STYK1: variants seen among roughly 807,000 people sequenced by gnomAD.
STYK1 encodes STY kinase 1, also known as tyrosine-protein kinase STYK1.
STYK1 carries 46 observed loss-of-function variants against 48.1 expected under a neutral mutation model. The observed-to-expected ratio is 0.96, with a 90% CI of 0.75 to 1.22. STYK1 has a LOEUF of 1.22. Among genes scored for constraint, STYK1 ranks in the 50% most tolerant of loss-of-function variants. The pLI, the probability that STYK1 is intolerant of heterozygous loss-of-function variation, is 0.00. For missense variants in STYK1, 527 were observed against 521.1 expected (o/e 1.01, Z -0.11); for synonymous variants, 188 against 189.0 (o/e 0.99, Z 0.04).
intron 2 of STYK1, among the ~76,000 whole-genome samples, chr12:10,635,188 A>T (rs995690859): frequency 6.6e-6 from 1 of 152,168 alleles, no homozygotes; most frequent in African/African-American, 2.4e-5. Flanking sequence ...GTGATCATGC[A>T]TGGCTCATTT....
Position 10,631,179 on chromosome 12 carries a change from A to C in STYK1, c.317T>G (p.Leu106Arg). Reference sequence around the variant, plus strand: ...AGAGAGTTGCTCCCGCGGCACCTGCAGCTTAGCCAGGGCAGGTGTGGTAGC... The same window carrying C: ...AGAGAGTTGCTCCCGCGGCACCTGCCGCTTAGCCAGGGCAGGTGTGGTAGC... ...LGATTPALAK[L>R]QVPREQLSEV... The change falls in exon 5 of 11, where the codon CTG becomes CGG. Residue 106 changes from leucine to arginine, a missense_variant. Coordinates refer to ENST00000075503, the MANE Select transcript of STYK1 (RefSeq NM_018423.3). 3 of 1,614,202 alleles carry C rather than the reference A, an allele frequency of 1.9e-6. No homozygotes were observed. The highest frequency in any genetic ancestry group is 2.5e-6 in the Non-Finnish European group (3 of 1,180,030).
chr12:10,647,516 G>A (rs1446902389), intron 1 of STYK1, among the ~76,000 whole-genome samples: 1 of 152,206 alleles, frequency 6.6e-6, no homozygotes, highest in Non-Finnish European at 1.5e-5. Flanking sequence ...CAGGCTTACA[G>A]GTGGAAGTGA....
chr12:10,646,872 C>T (rs992247120), intron 1 of STYK1, among the ~76,000 whole-genome samples: 10 of 152,216 alleles, frequency 6.6e-5, no homozygotes, highest in African/African-American at 2.2e-4. Flanking sequence ...GCTGTTGCTT[C>T]AGAGAGTGAA....
At position 10,622,111 on chromosome 12, in the gene STYK1, C is replaced by T. The variant is rs988593310; in HGVS notation, c.968-139G>A. The T allele has an allele frequency of 1.7e-5, 11 of 655,368 alleles. No individual in the cohort carries two copies. The South Asian group carries it at 1.8e-4, about 11-fold the overall frequency. The allele number at this position is 655,368 out of a possible 1,614,324, so 40.6% of individuals were successfully genotyped here. A position where few individuals can be genotyped will look rare whatever the true frequency, so the allele number is the denominator to read the frequency against. ...AATACTACATACAATTCAGTTGCTC[C>T]CTGGTGATCAAATATGGATATAATT... On this transcript the variant is annotated intron_variant, in intron 9 of 10. Transcript: ENST00000075503.
chr12:10,657,036 G>C (rs192760138), intron 1 of STYK1, among the ~76,000 whole-genome samples: 3 of 140,992 alleles, frequency 2.1e-5, no homozygotes, highest in Admixed American at 7.4e-5. Context: ...GTTTGGATCA[G>C]AGAAGCATAC....
At chr12:10,639,973 A>G (rs1947526162) in intron 1 of STYK1, among the ~76,000 whole-genome samples, 1 of 152,218 alleles carries the variant, frequency 6.6e-6, no homozygotes, top group African/African-American at 2.4e-5. Flanking sequence ...GGGTGTCCAT[A>G]TAGGAACCTC....
intron 2 of STYK1, among the ~76,000 whole-genome samples, chr12:10,636,015 T>TA (rs1262183949): frequency 1.3e-5 from 2 of 152,220 alleles, no homozygotes; most frequent in Non-Finnish European, 2.9e-5. Context: ...AGTGACTTGA[T>TA]AAAAACATAA....
At chr12:10,634,818 C>T (rs1254051880) in intron 2 of STYK1, 132 bp from the exon 3 acceptor site, 2 of 589,776 alleles carry the variant, frequency 3.4e-6, no homozygotes, top group South Asian at 2.2e-5. Flanking sequence ...ATCCGTTTAT[C>T]TCTATCTACC....
intron 1 of STYK1, among the ~76,000 whole-genome samples, chr12:10,644,901 T>C (rs61912161): frequency 0.32 from 48,503 of 151,738 alleles, 8,726 homozygotes; most frequent in Non-Finnish European, 0.42. Context: ...TAGATAATAT[T>C]GAAAGCTTGA....
intron 1 of STYK1, among the ~76,000 whole-genome samples, chr12:10,665,314 A>G (rs1487124453): frequency 6.6e-6 from 1 of 152,218 alleles, no homozygotes. Context: ...CAAATACACT[A>G]TGAAATGCAG....
Position 10,629,635 on chromosome 12 carries a change from C to T in STYK1, c.491G>A (p.Arg164Gln), listed in dbSNP as rs552377763. The change falls in exon 6 of 11, where the codon CGA becomes CAA. Residue 164 changes from arginine to glutamine, a missense_variant. Arg to Gln is a conservative substitution (Grantham distance 43, BLOSUM62 1). Transcript: ENST00000075503. ...CCCCAGGTATTGATGGAATTGGATT[C>T]GCCCTAAGAAATCTTGTACCTCATG... Reference protein sequence around the residue: ...GLHEVQDFLGRIQFHQYLGKH... With the variant: ...GLHEVQDFLGQIQFHQYLGKH... The T allele has an allele frequency of 2.2e-5, 35 of 1,614,120 alleles. No homozygotes were observed. Among genetic ancestry groups the T allele is most frequent in the South Asian group, 1.4e-4 (13 of 91,068 alleles).
chr12:10,663,642 T>G (rs988866958), intron 1 of STYK1, among the ~76,000 whole-genome samples: 2 of 138,694 alleles, frequency 1.4e-5, no homozygotes, highest in Non-Finnish European at 3.1e-5. Flanking sequence ...AAAAAATCAT[T>G]AAGTGTGATT....
Position 10,663,866 on chromosome 12 carries a change from T to C in STYK1, c.-195+10100A>G, listed in dbSNP as rs542674724. Among the ~76,000 whole-genome samples, 19 of 152,296 alleles carry C rather than the reference T, an allele frequency of 1.2e-4. No individual in the cohort carries two copies. The South Asian group carries it at 3.9e-3, about 32-fold the overall frequency. ...GAAAACTATATGTCTTTCCATTCATTTAGGTCTTCTTTAGCTTCTTTCAAG... is the reference window on the plus strand; with the variant it reads ...GAAAACTATATGTCTTTCCATTCATCTAGGTCTTCTTTAGCTTCTTTCAAG... On this transcript the variant is annotated intron_variant, in intron 1 of 10. Coordinates refer to ENST00000075503, the MANE Select transcript of STYK1 (RefSeq NM_018423.3).
At chr12:10,657,250 C>T (rs866456688) in intron 1 of STYK1, among the ~76,000 whole-genome samples, 2 of 152,156 alleles carry the variant, frequency 1.3e-5, no homozygotes, top group South Asian at 2.1e-4. Flanking sequence ...TGGCCCTGTT[C>T]CTCAAAGGGC....
rs1301477116 is a variant in STYK1 at position 10,630,923 on chromosome 12, C to T, written c.451+122G>A. 12 of 1,316,680 alleles carry T rather than the reference C, an allele frequency of 9.1e-6. No individual in the cohort carries two copies. The Admixed American group carries it at 2.2e-4, about 25-fold the overall frequency. 81.6% of individuals were successfully genotyped at this position (1,316,680 alleles called of 1,614,324 possible). ...AACATTTCTGCCTCAAGTTTCCACTCTATTACCTTCTTCTGTACACAGTTA... is the reference window on the plus strand; with the variant it reads ...AACATTTCTGCCTCAAGTTTCCACTTTATTACCTTCTTCTGTACACAGTTA... On this transcript the variant is annotated intron_variant, in intron 5 of 10. Transcript: ENST00000075503.
chr12:10,622,977 C>T (rs1336341046), intron 8 of STYK1, among the ~76,000 whole-genome samples: 2 of 149,078 alleles, frequency 1.3e-5, no homozygotes, highest in Non-Finnish European at 2.9e-5. Context: ...AACACATTTA[C>T]CTCAATCACA....
intron 1 of STYK1, among the ~76,000 whole-genome samples, chr12:10,656,207 C>G (rs1591699007): frequency 6.6e-6 from 1 of 152,222 alleles, no homozygotes; most frequent in East Asian, 1.9e-4. Context: ...ACATGGCTTT[C>G]TCCTCCTTTT....
intron 1 of STYK1, among the ~76,000 whole-genome samples, chr12:10,652,889 C>T (rs185752223): frequency 1.8e-3 from 270 of 152,242 alleles, no homozygotes; most frequent in African/African-American, 5.9e-3. Flanking sequence ...AACTTCCCTC[C>T]GCTCTGAAAT....
chr12:10,673,337 A>G (rs1389086423), intron 1 of STYK1, among the ~76,000 whole-genome samples: 1 of 152,078 alleles, frequency 6.6e-6, no homozygotes, highest in East Asian at 1.9e-4. Flanking sequence ...AGATCGCGCC[A>G]TTGCACTCCA....
Sources: gnomAD v4.1 joint callset for allele counts (sites outside exome capture counted in the v4.1 genomes callset) on GRCh38, gnomAD v4.1.1 for gene constraint, MANE v1.5 for transcripts, NCBI Gene and HGNC (gene_info 2026-07-23, HGNC 2026-07-21) for gene names.